The following TMEM41A variants were observed in gnomAD, a reference collection of about 807,000 sequenced individuals.
TMEM41A encodes the protein transmembrane protein 41A.
In TMEM41A, 20 loss-of-function variants were observed where a neutral mutation model predicts 25.7. That is an observed-to-expected ratio of 0.78 (90% CI 0.55 to 1.13). The LOEUF is 1.13. Ranked by LOEUF, TMEM41A falls within the 50% of genes most tolerant of loss-of-function variation. TMEM41A has a pLI of 0.00. For synonymous variants in TMEM41A, 133 were observed against 139.6 expected, an observed-to-expected ratio of 0.95 and a Z score of 0.33; for missense variants, 299 against 314.3, an observed-to-expected ratio of 0.95 and a Z score of 0.37.
At position 185,490,492 on chromosome 3, in the gene TMEM41A, T is replaced by C. The variant is rs1339142308; in HGVS notation, c.*1045A>G. 6.6e-6 allele frequency: 1 copy of C among 152,164 alleles called. No individual in the cohort carries two copies. Among genetic ancestry groups the C allele is most frequent in the Non-Finnish European group, 1.5e-5 (1 of 68,042 alleles). 9.4% of individuals were successfully genotyped at this position (152,164 alleles called of 1,614,324 possible). A position where few individuals can be genotyped will look rare whatever the true frequency, so the allele number is the denominator to read the frequency against. On this transcript the variant is annotated 3_prime_UTR_variant, in exon 5 of 5. Transcript: ENST00000421852. ...TGGGTAAGAATTTCTCCAGAACATA[T>C]CCATGACATACAGCGTTTGCTCCAT...
rs369813205 is a variant in TMEM41A at position 185,498,974 on chromosome 3, C to A, written c.-13G>T. On this transcript the variant is annotated 5_prime_UTR_variant, in exon 1 of 5. Coordinates refer to ENST00000421852, the MANE Select transcript of TMEM41A (RefSeq NM_080652.4). ...GAAGCGGGCGCATGTCGGCTCCGCACCCCGGCCCGCGGGGCAGCCGAGAAG... is the reference window on the plus strand; with the variant it reads ...GAAGCGGGCGCATGTCGGCTCCGCAACCCGGCCCGCGGGGCAGCCGAGAAG... 8 of 1,586,316 alleles carry A rather than the reference C, an allele frequency of 5.0e-6. No homozygotes were observed. In the East Asian group the frequency reaches 9.2e-5, roughly 18 times the overall value.
Position 185,491,481 on chromosome 3 carries a change from AT to A in TMEM41A, c.*55del. The A allele has an allele frequency of 7.0e-7, 1 of 1,421,516 alleles. No homozygotes were observed. Among genetic ancestry groups the A allele is most frequent in the Non-Finnish European group, 9.9e-7 (1 of 1,013,936 alleles). 88.1% of individuals were successfully genotyped at this position (1,421,516 alleles called of 1,614,324 possible). A position where few individuals can be genotyped will look rare whatever the true frequency, so the allele number is the denominator to read the frequency against. ...ACAATGAGGGGCTTTAGAGGACCAC[AT>A]CCATTACACAAATAAGCAACTGAGT... On this transcript the variant is annotated 3_prime_UTR_variant, in exon 5 of 5. Transcript: ENST00000421852.
intron 4 of TMEM41A, 58 bp downstream of exon 4, chr3:185,494,565 G>C (rs1010022209): frequency 1.1e-5 from 17 of 1,496,624 alleles, no homozygotes; most frequent in African/African-American, 4.2e-5. Flanking sequence ...CAATAACCCA[G>C]GGCAGACCCC....
chr3:185,492,599 A>G (rs1336531068), intron 4 of TMEM41A: 1 of 152,300 alleles, frequency 6.6e-6, no homozygotes, highest in South Asian at 2.1e-4. Flanking sequence ...CTGCAGAACA[A>G]TCAGCTGGTG....
chr3:185,498,612 A>T (rs924222011), intron 1 of TMEM41A: 1 of 488,616 alleles, frequency 2.0e-6, no homozygotes, highest in Non-Finnish European at 3.6e-6. Flanking sequence ...CCCTGCAGCC[A>T]GCACCACACA....
rs1719191725 is a variant in TMEM41A at position 185,498,891 on chromosome 3, C to A, written c.71G>T (p.Arg24Leu). 1 of 1,606,408 alleles carries A rather than the reference C, an allele frequency of 6.2e-7. No homozygotes were observed. The highest frequency in any genetic ancestry group is 8.5e-7 in the Non-Finnish European group (1 of 1,177,284). Residue 24 changes from arginine (R) to leucine (L), a missense_variant, in exon 1 of 5, where the codon CGA (arginine) becomes CTA (leucine). Coordinates refer to ENST00000421852, the MANE Select transcript of TMEM41A (RefSeq NM_080652.4). ...GCCCAGTCTCCGCCCGCGGGGCAGT[C>A]GCGTCGACAGCAAGTACAAGGCGAA... ...CTFALYLLST[R>L]LPRGRRLGST...
In TMEM41A at chr3:185,498,902, C is replaced by T. The variant is rs201403541; in HGVS notation, c.60G>A (p.Leu20=). 147 of 1,606,902 alleles carry T rather than the reference C, an allele frequency of 9.1e-5. 1 individual carries two copies. The East Asian group carries it at 3.2e-3, about 35-fold the overall frequency. Residue 20 remains leucine, a synonymous_variant, in exon 1 of 5, where the codon TTG becomes TTA. Transcript: ENST00000421852. ...VFAGCTFALY[L]LSTRLPRGRR... ...GCCCGCGGGGCAGTCGCGTCGACAG[C>T]AAGTACAAGGCGAAGGTGCAGCCGG...
chr3:185,498,720 A>G (rs1347077091), intron 1 of TMEM41A, 123 bp downstream of exon 1: 1 of 727,564 alleles, frequency 1.4e-6, no homozygotes, highest in Non-Finnish European at 2.2e-6. Flanking sequence ...CAGTCCGATA[A>G]GTGAACCTCA....
intron 1 of TMEM41A, among the ~76,000 whole-genome samples, chr3:185,497,965 G>A (rs1156308429): frequency 6.6e-6 from 1 of 152,128 alleles, no homozygotes; most frequent in African/African-American, 2.4e-5. Flanking sequence ...TCATTAGAAG[G>A]GGAAAAGGAG....
chr3:185,495,217 A>G lies in TMEM41A; in HGVS notation c.372T>C (p.Ser124=), dbSNP rs751244798. 22 of 1,613,804 alleles carry G rather than the reference A, an allele frequency of 1.4e-5. No individual in the cohort carries two copies. Among genetic ancestry groups the G allele is most frequent in the African/African-American group, 8.0e-5 (6 of 74,858 alleles). The change falls in exon 3 of 5, where the codon AGT becomes AGC. Residue 124 remains serine, a synonymous_variant. Coordinates refer to ENST00000421852, the MANE Select transcript of TMEM41A (RefSeq NM_080652.4). Reference sequence around the variant, plus strand: ...ACACCACCAACTGTTTGCCAAAAATACTGGAGAGCAGGTAGCAGCATGTGG... The same window carrying G: ...ACACCACCAACTGTTTGCCAAAAATGCTGGAGAGCAGGTAGCAGCATGTGG... ...VGATCCYLLS[S]IFGKQLVVSY...
Position 185,491,458 on chromosome 3 carries a change from A to G in TMEM41A, c.*79T>C, listed in dbSNP as rs1718949118. On this transcript the variant is annotated 3_prime_UTR_variant, in exon 5 of 5. Coordinates refer to ENST00000421852, the MANE Select transcript of TMEM41A (RefSeq NM_080652.4). The stretch of plus-strand genomic sequence containing the variant: ...TCACCTATAGAAGGCAATCAAAAAC[A>G]ATGAGGGGCTTTAGAGGACCACATC... 1.7e-6 allele frequency: 2 copies of G among 1,186,508 alleles called. No individual in the cohort carries two copies. Among genetic ancestry groups the G allele is most frequent in the Non-Finnish European group, 1.2e-6 (1 of 816,916 alleles). 73.5% of individuals were successfully genotyped at this position (1,186,508 alleles called of 1,614,324 possible). A position where few individuals can be genotyped will look rare whatever the true frequency, so the allele number is the denominator to read the frequency against.
At chr3:185,491,939 C>G (rs1014976975) in intron 4 of TMEM41A, among the ~76,000 whole-genome samples, 182 bp from the exon 5 acceptor site, 2 of 152,066 alleles carry the variant, frequency 1.3e-5, no homozygotes, top group African/African-American at 4.8e-5. Flanking sequence ...TTCCTCACTT[C>G]CCATATATGC....
chr3:185,495,187 G>A lies in TMEM41A; in HGVS notation c.402C>T (p.Tyr134=). ...GCAGCAGGGCCACTTTATCAGGAAAGTAGGACACCACCAACTGTTTGCCAA... is the reference window on the plus strand; with the variant it reads ...GCAGCAGGGCCACTTTATCAGGAAAATAGGACACCACCAACTGTTTGCCAA... The part of the protein sequence containing the change: ...SIFGKQLVVS[Y]FPDKVALLQR... Residue 134 remains tyrosine, a synonymous_variant, in exon 3 of 5, where the codon TAC becomes TAT. Coordinates refer to ENST00000421852, the MANE Select transcript of TMEM41A (RefSeq NM_080652.4). 6.2e-7 allele frequency: 1 copy of A among 1,613,896 alleles called. No individual in the cohort carries two copies. Among genetic ancestry groups the A allele is most frequent in the East Asian group, 2.2e-5 (1 of 44,874 alleles).
rs1172523743 is a variant in TMEM41A, at chr3:185,499,009, A to C, written c.-48T>G. ...CGGGGCAGCCGAGAAGCTCACTTGC[A>C]CTCCGGGACGCAGCGGCGGGCGGAC... is the stretch of plus-strand genomic sequence containing the variant. On this transcript the variant is annotated 5_prime_UTR_variant, in exon 1 of 5. Coordinates refer to ENST00000421852, the MANE Select transcript of TMEM41A (RefSeq NM_080652.4). 1.3e-6 allele frequency: 2 copies of C among 1,503,798 alleles called. No homozygotes were observed. Among genetic ancestry groups the C allele is most frequent in the Non-Finnish European group, 1.8e-6 (2 of 1,104,538 alleles). The allele number at this position is 1,503,798 out of a possible 1,614,324, so 93.2% of individuals were successfully genotyped here.
At chr3:185,498,489 G>C (rs1249424206) in intron 1 of TMEM41A, 1 of 229,590 alleles carries the variant, frequency 4.4e-6, no homozygotes. Context: ...AGGTGGGCTG[G>C]AAATGGGGCC....
intron 3 of TMEM41A, 133 bp downstream of exon 3, chr3:185,495,021 A>C: frequency 8.6e-7 from 1 of 1,169,196 alleles, no homozygotes; most frequent in East Asian, 2.3e-5. Flanking sequence ...TGAAGACATC[A>C]AAAGAACCCC....
chr3:185,494,904 C>T (rs1296780487), intron 3 of TMEM41A, 143 bp from the exon 4 acceptor site: 26 of 1,135,610 alleles, frequency 2.3e-5, no homozygotes, highest in African/African-American at 3.1e-5. Context: ...AGACTGTTTT[C>T]CTCATTTTAA....
chr3:185,494,332 G>A, intron 4 of TMEM41A: 3 of 286,400 alleles, frequency 1.0e-5, no homozygotes, highest in Non-Finnish European at 6.4e-6. Context: ...TACTTACTAT[G>A]GGCCAATTTG....
At chr3:185,494,892 AAAGACTGTTT>A in intron 3 of TMEM41A, 131 bp from the exon 4 acceptor site, 1 of 1,204,938 alleles carries the variant, frequency 8.3e-7, no homozygotes, top group Non-Finnish European at 1.2e-6. Context: ...CCCTCCAGGG[AAAGACTGTTT>A]TCCTCATTTT....
Sources: allele counts gnomAD v4.1 joint callset (sites outside exome capture counted in the v4.1 genomes callset), GRCh38; gene constraint gnomAD v4.1.1; transcripts MANE v1.5; gene names NCBI Gene and HGNC (gene_info 2026-07-23, HGNC 2026-07-21).